DHRSX: variants seen among roughly 807,000 people sequenced by gnomAD.
DHRSX encodes dehydrogenase/reductase X-linked, also known as polyprenol dehydrogenase.
DHRSX carries 31 observed loss-of-function variants against 34.0 expected under a neutral mutation model. The observed-to-expected ratio is 0.91, with a 90% CI of 0.69 to 1.23. The LOEUF is 1.23. DHRSX is among the 50% of genes most tolerant of loss of function. The pLI, the probability that DHRSX is intolerant of heterozygous loss-of-function variation, is 0.00. For missense variants in DHRSX, 414 were observed against 428.1 expected, an observed-to-expected ratio of 0.97 and a Z score of 0.29; for synonymous variants, 201 against 183.8, an observed-to-expected ratio of 1.09 and a Z score of -0.76.
At chrX:2,294,330 G>A (rs2041904419) in intron 3 of DHRSX, among the ~76,000 whole-genome samples, 2 of 152,030 alleles carry the variant, frequency 1.3e-5, no homozygotes, top group African/African-American at 4.8e-5. Flanking sequence ...GATCACGTGA[G>A]GTCAGGACTT....
rs766999951 is a variant in DHRSX, at chrX:2,305,668, G to A, written c.287-14065C>T. 1.2e-4 allele frequency among the ~76,000 whole-genome samples: 19 copies of A among 152,180 alleles called. No homozygotes were observed. The South Asian group carries it at 3.5e-3, about 28-fold the overall frequency. ...TGGACTACTATGCAGACATTAAAAA[G>A]GATGAGTTCATGTGCTTTGCAGGGA... On this transcript the variant is annotated intron_variant, in intron 3 of 6. Coordinates refer to ENST00000334651, the MANE Select transcript of DHRSX (RefSeq NM_145177.3).
intron 6 of DHRSX, among the ~76,000 whole-genome samples, chrX:2,238,748 T>G (rs1292914116): frequency 6.9e-6 from 1 of 144,354 alleles, no homozygotes; most frequent in Non-Finnish European, 1.6e-5. Context: ...CACACTCGGC[T>G]AATTTTTTTT....
At chrX:2,445,973 C>A (rs1327959386) in intron 1 of DHRSX, among the ~76,000 whole-genome samples, 1 of 150,858 alleles carries the variant, frequency 6.6e-6, no homozygotes, top group African/African-American at 2.4e-5. Flanking sequence ...GTCAAGGGAC[C>A]GCACTGAAGA....
At chrX:2,457,695 G>A (rs1260378816) in intron 1 of DHRSX, among the ~76,000 whole-genome samples, 1 of 146,292 alleles carries the variant, frequency 6.8e-6, no homozygotes, top group Admixed American at 6.9e-5. Context: ...AAGGACTGCC[G>A]CCCTGTACAC....
rs200445523 is a variant in DHRSX at position 2,330,168 on chromosome X, GTGA to G, written c.287-38568_287-38566del. Among the ~76,000 whole-genome samples the G allele has an allele frequency of 4.3e-3, 559 of 131,526 alleles. 7 individuals are homozygous for G. The highest frequency in any genetic ancestry group is 0.015 in the African/African-American group (540 of 35,190). 86.3% of individuals were successfully genotyped at this position (131,526 alleles called of 152,430 possible). On this transcript the variant is annotated intron_variant, in intron 3 of 6. Transcript: ENST00000334651. ...AGGAGGAGAAAGGAAGGAGGAGGAG[GTGA>G]AAGAGGAGGAGGAGAAGCAGGAGGA...
intron 3 of DHRSX, among the ~76,000 whole-genome samples, chrX:2,368,242 CA>C (rs761239560): frequency 0.015 from 1,776 of 118,178 alleles, 26 homozygotes; most frequent in African/African-American, 0.046. Context: ...GACTCTGTCT[CA>C]AAAAAAAAAA....
At chrX:2,352,285 A>G (rs908725299) in intron 3 of DHRSX, among the ~76,000 whole-genome samples, 47 of 152,118 alleles carry the variant, frequency 3.1e-4, no homozygotes, top group African/African-American at 1.0e-3. Flanking sequence ...TTTTGCAAAG[A>G]AGCGAATGGG....
At chrX:2,468,843 C>G (rs1355466420) in intron 1 of DHRSX, among the ~76,000 whole-genome samples, 1 of 142,620 alleles carries the variant, frequency 7.0e-6, no homozygotes, top group African/African-American at 2.6e-5. Context: ...GTTCCCTAAG[C>G]TTGTGGCTAA....
chrX:2,436,445 T>C (rs2043991729), intron 1 of DHRSX, among the ~76,000 whole-genome samples: 1 of 145,368 alleles, frequency 6.9e-6, no homozygotes, highest in African/African-American at 2.5e-5. Flanking sequence ...AAAGCAGCAA[T>C]TACTTTTGCA....
At chrX:2,338,208 C>G (rs190949398) in intron 3 of DHRSX, among the ~76,000 whole-genome samples, 1 of 151,686 alleles carries the variant, frequency 6.6e-6, no homozygotes, top group South Asian at 2.1e-4. Context: ...TGGTGCGCGC[C>G]TGTAATCCCA....
At chrX:2,255,533 T>C (rs2041264828) in intron 5 of DHRSX, among the ~76,000 whole-genome samples, 1 of 152,182 alleles carries the variant, frequency 6.6e-6, no homozygotes, top group African/African-American at 2.4e-5. Context: ...GACAGCCATG[T>C]TCACAGTGAG....
intron 3 of DHRSX, among the ~76,000 whole-genome samples, chrX:2,341,645 ACTTGT>A (rs2042641099): frequency 7.7e-6 from 1 of 129,724 alleles, no homozygotes; most frequent in Non-Finnish European, 1.6e-5. Context: ...TTCAAGGTGA[ACTTGT>A]CTTTTTTTTT....
At chrX:2,357,080 C>T (rs750681208) in intron 3 of DHRSX, among the ~76,000 whole-genome samples, 1 of 152,184 alleles carries the variant, frequency 6.6e-6, no homozygotes, top group East Asian at 1.9e-4. Flanking sequence ...CCCGTCTCTA[C>T]TGAAAATACA....
chrX:2,224,862 G>A (rs2015605590), intron 6 of DHRSX, among the ~76,000 whole-genome samples: 5 of 147,998 alleles, frequency 3.4e-5, no homozygotes, highest in South Asian at 4.4e-4. Context: ...ACACAAATTC[G>A]CATGCACACA....
intron 4 of DHRSX, among the ~76,000 whole-genome samples, chrX:2,283,458 A>C (rs1388411826): frequency 1.7e-4 from 26 of 152,126 alleles, no homozygotes; most frequent in Non-Finnish European, 7.4e-5. Flanking sequence ...TGACGAATGC[A>C]TGCGCCGCGA....
chrX:2,401,297 G>T (rs1180937451), intron 3 of DHRSX, among the ~76,000 whole-genome samples: 3 of 152,116 alleles, frequency 2.0e-5, no homozygotes, highest in Non-Finnish European at 4.4e-5. Flanking sequence ...TTTTAGTAGA[G>T]ATGGGGTTTC....
At chrX:2,330,715 A>T (rs1356655619) in intron 3 of DHRSX, among the ~76,000 whole-genome samples, 1 of 149,208 alleles carries the variant, frequency 6.7e-6, no homozygotes, top group African/African-American at 2.5e-5. Context: ...CAGGAGAAGG[A>T]GGGGAAGGAA....
At chrX:2,277,068 GGAAAGAGA>G (rs1247973126) in intron 4 of DHRSX, among the ~76,000 whole-genome samples, 1 of 87,038 alleles carries the variant, frequency 1.1e-5, no homozygotes, top group Non-Finnish European at 2.3e-5. Flanking sequence ...GGAAATAGGG[GGAAAGAGA>G]GAAAGAGAGA....
At chrX:2,457,492 C>A (rs1321033596) in intron 1 of DHRSX, among the ~76,000 whole-genome samples, 1 of 149,114 alleles carries the variant, frequency 6.7e-6, no homozygotes. Flanking sequence ...TAAGATGCAG[C>A]CAAGGGACAG....
Sources: gnomAD v4.1 joint callset for allele counts (sites outside exome capture counted in the v4.1 genomes callset) on GRCh38, gnomAD v4.1.1 for gene constraint, MANE v1.5 for transcripts, NCBI Gene and HGNC (gene_info 2026-07-23, HGNC 2026-07-21) for gene names.